The following LPP variants were observed in gnomAD, a reference collection of about 807,000 sequenced individuals.
LPP encodes the protein lipoma-preferred partner.
A neutral mutation model predicts 60.4 loss-of-function variants in LPP; 38 were observed. That is an observed-to-expected ratio of 0.63 (90% CI 0.49 to 0.83). The LOEUF (loss-of-function observed/expected upper bound fraction) is 0.83. Ranked by LOEUF, LPP falls within the 40% of genes least tolerant of loss-of-function variation. The pLI is 0.00. For missense variants in LPP, 902 were observed against 783.6 expected, an observed-to-expected ratio of 1.15 and a Z score of -1.80; for synonymous variants, 328 against 290.8, an observed-to-expected ratio of 1.13 and a Z score of -1.30.
intron 5 of LPP, among the ~76,000 whole-genome samples, chr3:188,511,326 C>T (rs997243641): frequency 4.4e-5 from 6 of 137,526 alleles, no homozygotes; most frequent in African/African-American, 1.6e-4. Flanking sequence ...CCCTCTCTCC[C>T]TCCCTCCCTC....
chr3:188,774,663 C>T (rs956267064), intron 9 of LPP, among the ~76,000 whole-genome samples: 4 of 152,076 alleles, frequency 2.6e-5, no homozygotes, highest in Admixed American at 6.5e-5. Context: ...AATGGAAGTC[C>T]GAGATCAGGG....
intron 3 of LPP, among the ~76,000 whole-genome samples, chr3:188,378,034 C>G (rs150849635): frequency 6.6e-6 from 1 of 152,128 alleles, no homozygotes; most frequent in South Asian, 2.1e-4. Context: ...ATTGGTGAAC[C>G]GCAAATGCTG....
intron 6 of LPP, among the ~76,000 whole-genome samples, chr3:188,563,600 A>C (rs1831320321): frequency 6.6e-6 from 1 of 151,486 alleles, no homozygotes; most frequent in Non-Finnish European, 1.5e-5. Context: ...AGGGTTCATC[A>C]CTGAGTCTCT....
chr3:188,755,598 G>A (rs1729868538), intron 8 of LPP, among the ~76,000 whole-genome samples: 1 of 151,966 alleles, frequency 6.6e-6, no homozygotes, highest in East Asian at 1.9e-4. Flanking sequence ...GATCCCAGGA[G>A]CTTGAGACCA....
At chr3:188,417,384 A>C (rs543957701) in intron 4 of LPP, among the ~76,000 whole-genome samples, 1 of 152,092 alleles carries the variant, frequency 6.6e-6, no homozygotes, top group East Asian at 1.9e-4. Context: ...AGAATGAGTT[A>C]GTTGTTTACC....
intron 2 of LPP, among the ~76,000 whole-genome samples, chr3:188,319,262 C>A (rs1578078863): frequency 6.6e-6 from 1 of 152,114 alleles, no homozygotes; most frequent in East Asian, 1.9e-4. Context: ...TTTGAAACAT[C>A]CAACGGTGGT....
At chr3:188,839,189 C>T (rs1029727434) in intron 9 of LPP, among the ~76,000 whole-genome samples, 1 of 152,038 alleles carries the variant, frequency 6.6e-6, no homozygotes, top group African/African-American at 2.4e-5. Flanking sequence ...TAGGGAAAGG[C>T]ATTTGAGTTA....
At chr3:188,346,890 T>C (rs1394167484) in intron 3 of LPP, among the ~76,000 whole-genome samples, 1 of 152,224 alleles carries the variant, frequency 6.6e-6, no homozygotes, top group Non-Finnish European at 1.5e-5. Context: ...AGGCTCGTTT[T>C]GTAGCATGAC....
At chr3:188,832,989 G>C (rs1412790446) in intron 9 of LPP, among the ~76,000 whole-genome samples, 1 of 152,146 alleles carries the variant, frequency 6.6e-6, no homozygotes, top group Admixed American at 6.5e-5. Context: ...TTACCACTTG[G>C]CATCAGTGCA....
chr3:188,551,760 GA>G (rs990695897), intron 6 of LPP, among the ~76,000 whole-genome samples: 40 of 152,122 alleles, frequency 2.6e-4, no homozygotes, highest in Non-Finnish European at 7.3e-5. Context: ...CTGCCATAGA[GA>G]TCAATTTTCC....
intron 7 of LPP, among the ~76,000 whole-genome samples, chr3:188,620,148 A>G (rs1845545851): frequency 6.6e-6 from 1 of 152,216 alleles, no homozygotes; most frequent in Non-Finnish European, 1.5e-5. Flanking sequence ...CATACAGTAT[A>G]ATTCGCCCAT....
intron 4 of LPP, among the ~76,000 whole-genome samples, chr3:188,443,482 T>C (rs1313939920): frequency 6.6e-6 from 1 of 152,208 alleles, no homozygotes; most frequent in Non-Finnish European, 1.5e-5. Context: ...GGCCTGCATT[T>C]ATTTCTCCTT....
At position 188,780,329 on chromosome 3, in the gene LPP, A is replaced by T. The variant is rs142693280; in HGVS notation, c.1410+20047A>T. Reference sequence around the variant, plus strand: ...GCATTGCAATCTCTTGAGTATCCAAAATGATTCTGTAATGATGTCTGTGAG... The same window carrying T: ...GCATTGCAATCTCTTGAGTATCCAATATGATTCTGTAATGATGTCTGTGAG... On this transcript the variant is annotated intron_variant, in intron 9 of 11. Transcript: ENST00000617246. 4.1e-3 allele frequency among the ~76,000 whole-genome samples: 618 copies of T among 152,314 alleles called. 3 individuals are homozygous for T. Among genetic ancestry groups the T allele is most frequent in the Non-Finnish European group, 7.5e-3 (507 of 68,016 alleles).
intron 6 of LPP, among the ~76,000 whole-genome samples, chr3:188,549,201 A>G (rs912044231): frequency 1.3e-5 from 2 of 152,234 alleles, no homozygotes. Context: ...ATAGTTTAAC[A>G]GAAGTCTGTA....
At chr3:188,272,445 T>C (rs930972255) in intron 2 of LPP, among the ~76,000 whole-genome samples, 1 of 152,220 alleles carries the variant, frequency 6.6e-6, no homozygotes, top group Non-Finnish European at 1.5e-5. Context: ...TTGTGTAACA[T>C]TCACCTCCTT....
At chr3:188,173,402 G>A in intron 1 of LPP, among the ~76,000 whole-genome samples, 1 of 152,108 alleles carries the variant, frequency 6.6e-6, no homozygotes, top group South Asian at 2.1e-4. Flanking sequence ...TACTCAGGAG[G>A]CTGAGGAAGG....
chr3:188,370,463 A>G (rs1470294027), intron 3 of LPP, among the ~76,000 whole-genome samples: 2 of 152,088 alleles, frequency 1.3e-5, no homozygotes, highest in African/African-American at 2.4e-5. Flanking sequence ...CAACATGATG[A>G]TTATCATTGA....
At chr3:188,188,031 G>T (rs1224318470) in intron 1 of LPP, among the ~76,000 whole-genome samples, 1 of 152,004 alleles carries the variant, frequency 6.6e-6, no homozygotes, top group Non-Finnish European at 1.5e-5. Context: ...TTTACATATT[G>T]TTGAATGGGA....
chr3:188,581,481 G>A (rs1026449973), intron 6 of LPP, among the ~76,000 whole-genome samples: 1 of 152,206 alleles, frequency 6.6e-6, no homozygotes, highest in Non-Finnish European at 1.5e-5. Flanking sequence ...CTGCTTGAAG[G>A]TTAGAGACAT....
Sources: allele counts gnomAD v4.1 joint callset (sites outside exome capture counted in the v4.1 genomes callset), GRCh38; gene constraint gnomAD v4.1.1; transcripts MANE v1.5; gene names NCBI Gene and HGNC (gene_info 2026-07-23, HGNC 2026-07-21).